DAB1: variants seen among roughly 807,000 people sequenced by gnomAD.
DAB1 encodes disabled homolog 1.
In DAB1, 15 loss-of-function variants were observed where a neutral mutation model predicts 64.6. The observed-to-expected ratio is 0.23, with a 90% CI of 0.16 to 0.36. The LOEUF (loss-of-function observed/expected upper bound fraction) is 0.36. Among genes scored for constraint, DAB1 ranks in the 10% least tolerant of loss-of-function variants. The pLI is 1.00. For synonymous variants in DAB1, 235 were observed against 251.9 expected (o/e 0.93, Z 0.64); for missense variants, 596 against 706.7 (o/e 0.84, Z 1.78).
At chr1:58,437,547 A>T (rs1330592598) in intron 3 of DAB1, among the ~76,000 whole-genome samples, 1 of 152,098 alleles carries the variant, frequency 6.6e-6, no homozygotes, top group Non-Finnish European at 1.5e-5. Flanking sequence ...TCCAGAGCAC[A>T]TATCACCACC....
intron 2 of DAB1, among the ~76,000 whole-genome samples, chr1:57,236,293 AC>A (rs1347672386): frequency 6.6e-6 from 1 of 152,194 alleles, no homozygotes; most frequent in Non-Finnish European, 1.5e-5. Context: ...AATGTGACTA[AC>A]CCACAAACTT....
intron 2 of DAB1, among the ~76,000 whole-genome samples, chr1:57,257,160 G>A (rs1262779648): frequency 6.6e-6 from 1 of 152,218 alleles, no homozygotes; most frequent in Middle Eastern, 3.4e-3. Flanking sequence ...TCCACTCTTG[G>A]GGTTTGCTGA....
chr1:57,731,334 T>A (rs1293571431), intron 6 of DAB1, among the ~76,000 whole-genome samples: 4 of 152,114 alleles, frequency 2.6e-5, no homozygotes, highest in Non-Finnish European at 4.4e-5. Flanking sequence ...GGGTGGGGAA[T>A]TATTGTTTAA....
At chr1:57,944,322 A>G (rs913316473) in intron 5 of DAB1, among the ~76,000 whole-genome samples, 43 of 152,116 alleles carry the variant, frequency 2.8e-4, no homozygotes, top group Non-Finnish European at 1.5e-4. Flanking sequence ...TGCATCCTTC[A>G]GAGTTCAGCC....
At chr1:58,076,233 T>G (rs1649632337) in intron 5 of DAB1, among the ~76,000 whole-genome samples, 1 of 152,210 alleles carries the variant, frequency 6.6e-6, no homozygotes, top group Non-Finnish European at 1.5e-5. Context: ...ATATGTATAC[T>G]AATATCACAA....
intron 7 of DAB1, among the ~76,000 whole-genome samples, chr1:57,523,947 A>G (rs1435460075): frequency 6.6e-6 from 1 of 152,126 alleles, no homozygotes; most frequent in African/African-American, 2.4e-5. Context: ...AAAGAAACAA[A>G]AAAGGAACAA....
intron 7 of DAB1, among the ~76,000 whole-genome samples, chr1:57,494,144 T>C (rs1644200233): frequency 6.6e-6 from 1 of 152,208 alleles, no homozygotes; most frequent in African/African-American, 2.4e-5. Flanking sequence ...ATTTCAATTA[T>C]AATAAGTCAA....
At chr1:58,372,555 T>G (rs559110686) in intron 3 of DAB1, among the ~76,000 whole-genome samples, 6 of 152,298 alleles carry the variant, frequency 3.9e-5, no homozygotes, top group African/African-American at 1.2e-4. Flanking sequence ...CATGATTGGT[T>G]GTGAAATATG....
intron 7 of DAB1, among the ~76,000 whole-genome samples, chr1:57,533,538 G>GATATATATATAT (rs1558468342): frequency 3.2e-5 from 2 of 63,180 alleles, no homozygotes; most frequent in Non-Finnish European, 6.0e-5. Context: ...ATTCATAACA[G>GATATATATATAT]GTATATATAT....
chr1:58,383,049 G>C (rs1644403513), intron 3 of DAB1, among the ~76,000 whole-genome samples: 1 of 152,212 alleles, frequency 6.6e-6, no homozygotes, highest in South Asian at 2.1e-4. Context: ...GTAGCAAAGA[G>C]TTACAAGAGC....
chr1:58,040,924 G>C (rs562643051), intron 5 of DAB1, among the ~76,000 whole-genome samples: 125 of 152,082 alleles, frequency 8.2e-4, no homozygotes, highest in Non-Finnish European at 1.6e-3. Flanking sequence ...TTGCACCTGG[G>C]ACCCCGGGGA....
At chr1:58,470,114 CTCTTTATTTATT>C (rs1645340260) in intron 3 of DAB1, among the ~76,000 whole-genome samples, 1 of 145,938 alleles carries the variant, frequency 6.9e-6, no homozygotes, top group Non-Finnish European at 1.5e-5. Context: ...CTGGGACTTT[CTCTTTATTTATT>C]TATTTATTTA....
chr1:58,487,103 G>T (rs1472713551), intron 3 of DAB1, among the ~76,000 whole-genome samples: 3 of 152,214 alleles, frequency 2.0e-5, no homozygotes, highest in Non-Finnish European at 4.4e-5. Flanking sequence ...GACATCGTGA[G>T]GTGAAAAGTG....
intron 6 of DAB1, among the ~76,000 whole-genome samples, chr1:57,778,725 C>T (rs984599819): frequency 6.6e-6 from 1 of 152,100 alleles, no homozygotes; most frequent in Non-Finnish European, 1.5e-5. Flanking sequence ...ATCAATTTAC[C>T]CATTTGTAAA....
intron 4 of DAB1, among the ~76,000 whole-genome samples, chr1:57,111,708 T>G (rs768579172): frequency 1.2e-4 from 19 of 152,316 alleles, no homozygotes; most frequent in Non-Finnish European, 2.5e-4. Context: ...TATCTGAAAT[T>G]ATTTTATTTA....
At chr1:58,400,280 G>A (rs1644558084) in intron 3 of DAB1, among the ~76,000 whole-genome samples, 1 of 151,798 alleles carries the variant, frequency 6.6e-6, no homozygotes, top group Non-Finnish European at 1.5e-5. Context: ...TCTGTGAAGA[G>A]GAGACAAAGC....
intron 7 of DAB1, among the ~76,000 whole-genome samples, chr1:57,522,109 C>CAA (rs111419395): frequency 2.1e-5 from 3 of 146,130 alleles, no homozygotes; most frequent in African/African-American, 7.5e-5. Context: ...GACTCCATCT[C>CAA]AAAAAAAAAA....
At chr1:58,072,392 GC>G (rs1374921223) in intron 5 of DAB1, among the ~76,000 whole-genome samples, 2 of 152,048 alleles carry the variant, frequency 1.3e-5, no homozygotes, top group Admixed American at 6.6e-5. Context: ...CAATCCAGAA[GC>G]AAAAAACCCT....
chr1:57,783,738 A>C (rs1398887584), intron 6 of DAB1, among the ~76,000 whole-genome samples: 2 of 152,100 alleles, frequency 1.3e-5, no homozygotes, highest in Non-Finnish European at 2.9e-5. Flanking sequence ...AAAGTTTTTC[A>C]TTATTGTTAT....
Sources: gnomAD v4.1 joint callset for allele counts (sites outside exome capture counted in the v4.1 genomes callset) on GRCh38, gnomAD v4.1.1 for gene constraint, MANE v1.5 for transcripts, NCBI Gene and HGNC (gene_info 2026-07-23, HGNC 2026-07-21) for gene names.